NELL2: variants seen among roughly 807,000 people sequenced by gnomAD.
NELL2 encodes the protein protein kinase C-binding protein NELL2.
Under a neutral mutation model 109.6 loss-of-function variants are expected in NELL2, and 41 were observed. The observed-to-expected ratio is 0.37, with a 90% CI of 0.29 to 0.49. The LOEUF is 0.49. NELL2 is among the 20% of genes least tolerant of loss of function. The pLI is 0.98. For missense variants in NELL2, 900 were observed against 1,008.3 expected (o/e 0.89, Z 1.45); for synonymous variants, 355 against 344.7 (o/e 1.03, Z -0.33).
intron 9 of NELL2, among the ~76,000 whole-genome samples, chr12:44,720,557 T>C (rs1938715820): frequency 6.6e-6 from 1 of 152,190 alleles, no homozygotes; most frequent in African/African-American, 2.4e-5. Context: ...AGCAGTAACT[T>C]ACTAACATGA....
intron 1 of NELL2, among the ~76,000 whole-genome samples, chr12:44,890,181 T>C (rs1945517846): frequency 6.6e-6 from 1 of 152,156 alleles, no homozygotes; most frequent in Non-Finnish European, 1.5e-5. Flanking sequence ...GGCCAAAGGC[T>C]GGAGCTGAGA....
intron 11 of NELL2, among the ~76,000 whole-genome samples, chr12:44,710,587 G>C (rs1379462822): frequency 6.6e-6 from 1 of 152,082 alleles, no homozygotes; most frequent in African/African-American, 2.4e-5. Context: ...TTTAATACAT[G>C]AATCTATAAT....
chr12:44,523,012 A>G (rs548468135), intron 17 of NELL2: 302 of 427,176 alleles, frequency 7.1e-4, no homozygotes, highest in African/African-American at 5.6e-3. Flanking sequence ...CAGACACAAT[A>G]TAGTATATAC....
chr12:44,658,451 A>C (rs956536737), intron 13 of NELL2, among the ~76,000 whole-genome samples: 2 of 152,242 alleles, frequency 1.3e-5, no homozygotes, highest in African/African-American at 2.4e-5. Context: ...AGGACACAAC[A>C]AATGGAAAAA....
At chr12:44,536,978 C>T (rs146850160) in intron 15 of NELL2, among the ~76,000 whole-genome samples, 52 of 63,524 alleles carry the variant, frequency 8.2e-4, no homozygotes, top group Admixed American at 8.2e-3. Flanking sequence ...TCATTAAAAA[C>T]AAACCAACAG....
chr12:44,582,922 AAAAG>A (rs1271533909), intron 15 of NELL2, among the ~76,000 whole-genome samples: 2 of 152,140 alleles, frequency 1.3e-5, no homozygotes, highest in African/African-American at 4.8e-5. Context: ...GTGCTTGTAT[AAAAG>A]AAAGTTTGGC....
chr12:44,799,863 T>G (rs1180676921), intron 3 of NELL2, among the ~76,000 whole-genome samples: 1 of 152,186 alleles, frequency 6.6e-6, no homozygotes, highest in Non-Finnish European at 1.5e-5. Flanking sequence ...ATCAATTTCT[T>G]TCTACATTAT....
chr12:44,565,259 C>A (rs541714889), intron 15 of NELL2, among the ~76,000 whole-genome samples: 1 of 152,162 alleles, frequency 6.6e-6, no homozygotes, highest in African/African-American at 2.4e-5. Context: ...TCAACTCTAA[C>A]AACGATCATA....
chr12:44,571,577 T>C (rs1006104124), intron 15 of NELL2, among the ~76,000 whole-genome samples: 1 of 152,224 alleles, frequency 6.6e-6, no homozygotes, highest in African/African-American at 2.4e-5. Context: ...GAAGAGTTCT[T>C]GCCACATCGT....
intron 13 of NELL2, among the ~76,000 whole-genome samples, chr12:44,631,517 AC>A (rs1410951490): frequency 1.3e-5 from 2 of 152,158 alleles, no homozygotes; most frequent in Admixed American, 1.3e-4. Flanking sequence ...GCAACAGCGG[AC>A]ACTGGGGTCT....
chr12:44,570,836 C>A (rs769306165), intron 15 of NELL2, among the ~76,000 whole-genome samples: 6 of 152,100 alleles, frequency 3.9e-5, no homozygotes, highest in Non-Finnish European at 8.8e-5. Flanking sequence ...TTAGTGAATG[C>A]CAGTAAATGT....
At chr12:44,588,098 G>A (rs913543276) in intron 15 of NELL2, among the ~76,000 whole-genome samples, 1 of 151,612 alleles carries the variant, frequency 6.6e-6, no homozygotes, top group African/African-American at 2.4e-5. Context: ...TTGCAGGGAG[G>A]CGGAGGTTGC....
chr12:44,708,072 G>T (rs1256791975), intron 11 of NELL2, among the ~76,000 whole-genome samples: 4 of 152,122 alleles, frequency 2.6e-5, no homozygotes, highest in African/African-American at 9.7e-5. Flanking sequence ...AGGAGGAGAA[G>T]AACCAGAAGG....
At chr12:44,791,139 ACG>A (rs1324738061) in intron 3 of NELL2, among the ~76,000 whole-genome samples, 1,203 of 93,858 alleles carry the variant, frequency 0.013, 115 homozygotes, top group African/African-American at 0.049. Flanking sequence ...ATATATACAC[ACG>A]CACACACATA....
intron 15 of NELL2, among the ~76,000 whole-genome samples, chr12:44,595,301 GT>G (rs1170399123): frequency 6.6e-6 from 1 of 152,132 alleles, no homozygotes; most frequent in Non-Finnish European, 1.5e-5. Flanking sequence ...AAAAACATCC[GT>G]GAGTGAAAAA....
At chr12:44,813,352 T>C (rs1394541350) in intron 3 of NELL2, among the ~76,000 whole-genome samples, 1 of 152,226 alleles carries the variant, frequency 6.6e-6, no homozygotes, top group Non-Finnish European at 1.5e-5. Flanking sequence ...AATGATATAC[T>C]ATATCTCAAA....
intron 15 of NELL2, among the ~76,000 whole-genome samples, chr12:44,576,462 C>T (rs902360348): frequency 6.6e-6 from 1 of 152,026 alleles, no homozygotes; most frequent in Non-Finnish European, 1.5e-5. Flanking sequence ...GATCACTATC[C>T]CCATCAACAT....
intron 13 of NELL2, among the ~76,000 whole-genome samples, chr12:44,632,041 T>A (rs1272178882): frequency 3.9e-5 from 6 of 152,160 alleles, no homozygotes; most frequent in Admixed American, 3.3e-4. Flanking sequence ...ATCCATGAAA[T>A]TGACCATATT....
chr12:44,887,382 C>T (rs556196839), intron 1 of NELL2, among the ~76,000 whole-genome samples: 2 of 152,058 alleles, frequency 1.3e-5, no homozygotes, highest in Admixed American at 6.5e-5. Flanking sequence ...ATTTACATTT[C>T]CACCAAGAGT....
Sources: gnomAD v4.1 joint callset for allele counts (sites outside exome capture counted in the v4.1 genomes callset) on GRCh38, gnomAD v4.1.1 for gene constraint, MANE v1.5 for transcripts, NCBI Gene and HGNC (gene_info 2026-07-23, HGNC 2026-07-21) for gene names.